EEA1: variants seen among roughly 807,000 people sequenced by gnomAD.
EEA1 encodes the protein early endosome antigen 1, 162kD.
A neutral mutation model predicts 209.2 loss-of-function variants in EEA1; 111 were observed. That is an observed-to-expected ratio of 0.53 (90% CI 0.45 to 0.62). The LOEUF (loss-of-function observed/expected upper bound fraction) is 0.62. Ranked by LOEUF, EEA1 falls within the 20% of genes least tolerant of loss-of-function variation. The probability of loss-of-function intolerance (pLI) is 0.00; values close to 1 mark genes in which losing one functional copy is unlikely to be tolerated. For missense variants in EEA1, 1,343 were observed against 1,530.8 expected, an observed-to-expected ratio of 0.88 and a Z score of 2.05; for synonymous variants, 536 against 540.6, an observed-to-expected ratio of 0.99 and a Z score of 0.12.
chr12:92,898,502 A>G (rs191314618), intron 1 of EEA1, among the ~76,000 whole-genome samples: 1 of 152,052 alleles, frequency 6.6e-6, no homozygotes, highest in African/African-American at 2.4e-5. Flanking sequence ...CATCTCTACT[A>G]AAAATACAAA....
chr12:92,926,303 A>G (rs1881212968), intron 1 of EEA1, among the ~76,000 whole-genome samples: 1 of 152,200 alleles, frequency 6.6e-6, no homozygotes, highest in South Asian at 2.1e-4. Flanking sequence ...AAGGAATGCC[A>G]CATAATTTCA....
intron 1 of EEA1, among the ~76,000 whole-genome samples, chr12:92,892,388 A>T (rs1013321599): frequency 2.6e-5 from 4 of 152,080 alleles, no homozygotes; most frequent in Non-Finnish European, 5.9e-5. Context: ...CATAACGCTC[A>T]GTCCACCATT....
chr12:92,903,534 G>T (rs1156613578), intron 1 of EEA1, among the ~76,000 whole-genome samples: 1 of 151,548 alleles, frequency 6.6e-6, no homozygotes, highest in African/African-American at 2.4e-5. Flanking sequence ...GGAGGCGAAG[G>T]TTGTGGTGAG....
chr12:92,772,509 T>C lies in EEA1; in HGVS notation c.*3502A>G, dbSNP rs191381961. On this transcript the variant is annotated 3_prime_UTR_variant, in exon 29 of 29. Transcript: ENST00000322349. Reference sequence around the variant, plus strand: ...ACAATTTATAGTCACAGAATACAACTAGTTTAGAAAGAAATGTTTTTAATA... The same window carrying C: ...ACAATTTATAGTCACAGAATACAACCAGTTTAGAAAGAAATGTTTTTAATA... 1 of 151,964 alleles carries C rather than the reference T, an allele frequency of 6.6e-6. No individual in the cohort carries two copies. Among genetic ancestry groups the C allele is most frequent in the Admixed American group, 6.6e-5 (1 of 15,232 alleles). 9.4% of individuals were successfully genotyped at this position (151,964 alleles called of 1,614,324 possible).
At chr12:92,893,029 C>G (rs1592762335) in intron 1 of EEA1, among the ~76,000 whole-genome samples, 1 of 152,190 alleles carries the variant, frequency 6.6e-6, no homozygotes, top group Non-Finnish European at 1.5e-5. Flanking sequence ...TCACCTACCA[C>G]TCAAACCAAT....
rs564816667 is a variant in EEA1 at position 92,853,454 on chromosome 12, T to C, written c.407-429A>G. Reference sequence around the variant, plus strand: ...TCAGTATCCCAAAGTGTTGGGATTATAGGCATGAGCCACCAAGCCTGGCTC... The same window carrying C: ...TCAGTATCCCAAAGTGTTGGGATTACAGGCATGAGCCACCAAGCCTGGCTC... On this transcript the variant is annotated intron_variant, in intron 6 of 28. Transcript: ENST00000322349. Among the ~76,000 whole-genome samples the C allele has an allele frequency of 2.0e-5, 3 of 152,264 alleles. No individual in the cohort carries two copies. In the South Asian group the frequency reaches 6.2e-4, roughly 32 times the overall value.
chr12:92,888,302 C>T (rs117679973), intron 2 of EEA1, among the ~76,000 whole-genome samples: 1,948 of 152,220 alleles, frequency 0.013, 23 homozygotes, highest in Middle Eastern at 0.034. Context: ...TAAAATAGGC[C>T]GGGCGCAGTG....
At chr12:92,919,580 AT>A (rs1880903589) in intron 1 of EEA1, among the ~76,000 whole-genome samples, 2 of 151,136 alleles carry the variant, frequency 1.3e-5, no homozygotes, top group Admixed American at 6.6e-5. Flanking sequence ...TAAATTAGCT[AT>A]TGATGGGACG....
At chr12:92,808,491 T>C (rs919637445) in intron 18 of EEA1, among the ~76,000 whole-genome samples, 1 of 151,976 alleles carries the variant, frequency 6.6e-6, no homozygotes, top group Admixed American at 6.6e-5. Context: ...TTTTTTTTTT[T>C]TTTCTTTTTG....
intron 3 of EEA1, 35 bp downstream of exon 3, chr12:92,864,825 C>G (rs765987153): frequency 6.6e-7 from 1 of 1,509,776 alleles, no homozygotes; most frequent in South Asian, 1.4e-5. Flanking sequence ...CATGCATATT[C>G]CATAACATTA....
At chr12:92,877,858 C>T (rs1878980203) in intron 2 of EEA1, among the ~76,000 whole-genome samples, 1 of 152,154 alleles carries the variant, frequency 6.6e-6, no homozygotes, top group Non-Finnish European at 1.5e-5. Context: ...CCTTATAGAC[C>T]ATGATAAGAT....
chr12:92,927,467 G>C (rs1565867047), intron 1 of EEA1, among the ~76,000 whole-genome samples: 1 of 152,188 alleles, frequency 6.6e-6, no homozygotes, highest in Non-Finnish European at 1.5e-5. Context: ...CATTAAAAAT[G>C]ATCTTCATAT....
intron 10 of EEA1, among the ~76,000 whole-genome samples, chr12:92,838,235 C>T (rs1156760897): frequency 2.6e-5 from 4 of 152,080 alleles, no homozygotes; most frequent in African/African-American, 9.7e-5. Flanking sequence ...AATATACATA[C>T]ACACAACACA....
chr12:92,818,448 G>A (rs1210035833), intron 14 of EEA1, among the ~76,000 whole-genome samples: 1 of 151,990 alleles, frequency 6.6e-6, no homozygotes, highest in Non-Finnish European at 1.5e-5. Flanking sequence ...GGCTAAATAG[G>A]TATTAACTAT....
intron 24 of EEA1, 85 bp downstream of exon 24, chr12:92,780,191 CAATA>C: frequency 4.3e-6 from 6 of 1,389,524 alleles, no homozygotes; most frequent in Admixed American, 2.7e-5. Flanking sequence ...AGCAAGTTCT[CAATA>C]AATAAATAAA....
intron 1 of EEA1, among the ~76,000 whole-genome samples, chr12:92,909,900 TG>T (rs1880514517): frequency 6.6e-6 from 1 of 152,128 alleles, no homozygotes. Flanking sequence ...CCCAGCACTT[TG>T]GGAGACCGAG....
chr12:92,788,846 A>G (rs982933638), intron 21 of EEA1, among the ~76,000 whole-genome samples: 3 of 152,136 alleles, frequency 2.0e-5, no homozygotes, highest in Admixed American at 6.5e-5. Context: ...TTTCCAAAGT[A>G]CTTTATATTT....
chr12:92,850,821 C>T (rs910128372), intron 9 of EEA1, among the ~76,000 whole-genome samples: 1 of 151,144 alleles, frequency 6.6e-6, no homozygotes, highest in African/African-American at 2.4e-5. Context: ...AAGTCAATTA[C>T]CATTTATCAA....
At chr12:92,804,990 AG>A (rs1336727317) in intron 18 of EEA1, among the ~76,000 whole-genome samples, 1 of 152,174 alleles carries the variant, frequency 6.6e-6, no homozygotes, top group Non-Finnish European at 1.5e-5. Flanking sequence ...CTACCCCAAT[AG>A]GATGTGGGAG....
Sources: allele counts gnomAD v4.1 joint callset (sites outside exome capture counted in the v4.1 genomes callset), GRCh38; gene constraint gnomAD v4.1.1; transcripts MANE v1.5; gene names NCBI Gene and HGNC (gene_info 2026-07-23, HGNC 2026-07-21).